Variants in CHLSN observed in about 807,000 individuals in gnomAD.
CHLSN encodes the protein protein cholesin.
chr7:1,087,133 A>G, the CHLSN span: 1 of 152,248 alleles, frequency 6.6e-6, no homozygotes, highest in Non-Finnish European at 1.5e-5. Flanking sequence ...AGCGGCCCCG[A>G]GAGTCCGGGG....
At chr7:992,790 C>T in the CHLSN span, among the ~76,000 whole-genome samples, 3 of 152,132 alleles carry the variant, frequency 2.0e-5, no homozygotes, top group Non-Finnish European at 4.4e-5. Context: ...GGTGGGCTCA[C>T]CAGGCTTCAG....
the CHLSN span, among the ~76,000 whole-genome samples, chr7:1,084,188 T>C: frequency 8.5e-5 from 13 of 152,340 alleles, no homozygotes; most frequent in South Asian, 1.7e-3. Context: ...GGGCTCTTTC[T>C]ATAAAGGGGC....
the CHLSN span, chr7:1,021,716 A>G: frequency 5.1e-6 from 1 of 195,148 alleles, no homozygotes; most frequent in East Asian, 1.9e-4. Context: ...ACCCCTCCCT[A>G]CTTGTCACCA....
chr7:1,074,989 G>A, the CHLSN span, among the ~76,000 whole-genome samples: 2 of 152,226 alleles, frequency 1.3e-5, no homozygotes, highest in African/African-American at 2.4e-5. Context: ...GTGTGAGCTG[G>A]GGGGCTCCTC....
the CHLSN span, among the ~76,000 whole-genome samples, chr7:1,081,162 G>T: frequency 3.6e-4 from 55 of 152,368 alleles, no homozygotes; most frequent in African/African-American, 9.4e-4. Context: ...CGTCATCCAG[G>T]GCCACCAGGG....
At chr7:993,230 G>C in the CHLSN span, among the ~76,000 whole-genome samples, 3 of 152,224 alleles carry the variant, frequency 2.0e-5, no homozygotes, top group African/African-American at 2.4e-5. Flanking sequence ...GCTGGAGCGC[G>C]TGGAGAGAGC....
At chr7:1,086,521 G>A in the CHLSN span, among the ~76,000 whole-genome samples, 2 of 152,220 alleles carry the variant, frequency 1.3e-5, no homozygotes, top group Non-Finnish European at 2.9e-5. Flanking sequence ...ATTCTGTTTA[G>A]GAAATGTGTG....
chr7:1,000,459 C>T, the CHLSN span: 15 of 1,587,928 alleles, frequency 9.4e-6, no homozygotes, highest in African/African-American at 2.7e-5. Flanking sequence ...CCTGCCCCGC[C>T]GTGCACACAC....
the CHLSN span, chr7:1,000,605 G>GA: frequency 1.4e-6 from 2 of 1,454,708 alleles, no homozygotes; most frequent in Non-Finnish European, 1.9e-6. Context: ...CTCCCGGGCA[G>GA]CTGTCTGCCC....
At chr7:1,026,685 G>A in the CHLSN span, 2 of 152,210 alleles carry the variant, frequency 1.3e-5, no homozygotes, top group Admixed American at 1.3e-4. Flanking sequence ...AAAAACGTAT[G>A]GGAACCATGC....
chr7:1,127,189 CT>C, the CHLSN span: 5 of 1,508,232 alleles, frequency 3.3e-6, no homozygotes, highest in African/African-American at 2.8e-5. Flanking sequence ...GAGCCACCCC[CT>C]CTCCCTCCAG....
chr7:1,117,290 G>C, the CHLSN span, among the ~76,000 whole-genome samples: 1 of 76,324 alleles, frequency 1.3e-5, no homozygotes, highest in Non-Finnish European at 2.5e-5. Context: ...GCCCACGCAG[G>C]ATGATGACAT....
At chr7:1,016,154 C>T in the CHLSN span, among the ~76,000 whole-genome samples, 1 of 63,200 alleles carries the variant, frequency 1.6e-5, no homozygotes, top group Non-Finnish European at 2.9e-5. Context: ...CAGCAGCACA[C>T]GCCAGCACAC....
At chr7:1,037,486 T>A in the CHLSN span, among the ~76,000 whole-genome samples, 3 of 136,498 alleles carry the variant, frequency 2.2e-5, no homozygotes, top group Non-Finnish European at 3.3e-5. Flanking sequence ...CCGCGAGTGA[T>A]CCCGCCAACC....
chr7:1,044,457 C>G, the CHLSN span: 10 of 136,310 alleles, frequency 7.3e-5, no homozygotes, highest in African/African-American at 1.2e-4. Context: ...GCCGCGAGGG[C>G]GGGGCCGGGG....
At chr7:1,022,916 G>T in the CHLSN span, 1 of 432,636 alleles carries the variant, frequency 2.3e-6, no homozygotes, top group Non-Finnish European at 4.8e-6. Flanking sequence ...CGGCGAGCTG[G>T]CCACTCCATG....
chr7:1,059,977 G>A, the CHLSN span, among the ~76,000 whole-genome samples: 27 of 126,270 alleles, frequency 2.1e-4, no homozygotes, highest in African/African-American at 4.2e-4. Context: ...GCCCGTAGTG[G>A]GGCGGGTCTT....
the CHLSN span, among the ~76,000 whole-genome samples, chr7:1,023,624 A>AACACACACACACACAC: frequency 3.6e-3 from 436 of 122,346 alleles, 4 homozygotes; most frequent in East Asian, 0.011. This position sits in a 1 kb window ranked among gnomAD's most constrained non-coding sequence, Gnocchi z 5.0. Flanking sequence ...CCTCCCAGGA[A>AACACACACACACACAC]ACACACACAC....
chr7:980,722 C>G, the CHLSN span, among the ~76,000 whole-genome samples: 3 of 132,864 alleles, frequency 2.3e-5, no homozygotes, highest in African/African-American at 8.6e-5. Context: ...GAGTCTCACT[C>G]TGTTGCCCAG....
Sources: gnomAD v4.1 joint callset for allele counts (sites outside exome capture counted in the v4.1 genomes callset) on GRCh38, gnomAD v4.1.1 for gene constraint, Gnocchi (gnomAD v3.1) non-coding constraint, MANE v1.5 for transcripts, NCBI Gene and HGNC (gene_info 2026-07-23, HGNC 2026-07-21) for gene names.